The following ERGIC1 variants were observed in gnomAD, a reference collection of about 807,000 sequenced individuals.
ERGIC1 encodes endoplasmic reticulum-Golgi intermediate compartment protein 1.
A neutral mutation model predicts 38.3 loss-of-function variants in ERGIC1; 19 were observed. The observed-to-expected ratio is 0.50, with a 90% CI of 0.35 to 0.73. The LOEUF (loss-of-function observed/expected upper bound fraction) is 0.73. ERGIC1 is among the 30% of genes least tolerant of loss of function. The pLI is 0.01. For missense variants in ERGIC1, 294 were observed against 389.2 expected (o/e 0.76, Z 2.06); for synonymous variants, 124 against 157.6 (o/e 0.79, Z 1.60).
intron 9 of ERGIC1, among the ~76,000 whole-genome samples, chr5:172,938,953 C>T (rs958661185): frequency 2.6e-5 from 4 of 151,774 alleles, no homozygotes; most frequent in Non-Finnish European, 4.4e-5. Context: ...GTCCCAGCTA[C>T]TTGGGAGGGT....
chr5:172,909,205 T>G lies in ERGIC1; in HGVS notation c.156-462T>G, dbSNP rs566076846. 4.4e-3 allele frequency among the ~76,000 whole-genome samples: 506 copies of G among 116,034 alleles called. 5 individuals carry two copies. Among genetic ancestry groups the G allele is most frequent in the African/African-American group, 0.015 (483 of 31,988 alleles). 76.1% of individuals were successfully genotyped at this position (116,034 alleles called of 152,430 possible). A position where few individuals can be genotyped will look rare whatever the true frequency, so the allele number is the denominator to read the frequency against. ...TTTTTTTGAGACGGAGTTTCACTCT[T>G]GTTGCCCAGGCTGGAGTGCAGTGGC... On this transcript the variant is annotated intron_variant, in intron 3 of 9. Transcript: ENST00000393784.
At chr5:172,865,217 G>A (rs1029689693) in intron 1 of ERGIC1, among the ~76,000 whole-genome samples, 1 of 152,056 alleles carries the variant, frequency 6.6e-6, no homozygotes, top group Non-Finnish European at 1.5e-5. Flanking sequence ...ACTATGCCTG[G>A]CTAATATTTT....
chr5:172,947,823 T>C (rs1764155472), intron 9 of ERGIC1, among the ~76,000 whole-genome samples: 2 of 152,096 alleles, frequency 1.3e-5, no homozygotes. Context: ...CAGGTGTCTG[T>C]GAGTCATAAG....
At position 172,950,888 on chromosome 5, in the gene ERGIC1, G is replaced by A; in HGVS notation, c.*72G>A. 2 of 1,376,716 alleles carry A rather than the reference G, an allele frequency of 1.5e-6. No homozygotes were observed. The highest frequency in any genetic ancestry group is 2.0e-6 in the Non-Finnish European group (2 of 1,003,094). The allele number at this position is 1,376,716 out of a possible 1,614,324, so 85.3% of individuals were successfully genotyped here. A position where few individuals can be genotyped will look rare whatever the true frequency, so the allele number is the denominator to read the frequency against. ...TGCCTCCAGTGCCCTGTCTCCTTTG[G>A]CCCTCAATCTGGTCCCAAATCTGGC... On this transcript the variant is annotated 3_prime_UTR_variant, in exon 10 of 10. Coordinates refer to ENST00000393784, the MANE Select transcript of ERGIC1 (RefSeq NM_001031711.3).
intron 4 of ERGIC1, among the ~76,000 whole-genome samples, chr5:172,911,071 C>G (rs1488372527): frequency 2.0e-5 from 3 of 152,164 alleles, no homozygotes; most frequent in Admixed American, 1.3e-4. Context: ...TTCCAGCCGT[C>G]CCTCTGCCCA....
At chr5:172,888,934 C>T (rs1490440753) in intron 2 of ERGIC1, among the ~76,000 whole-genome samples, 174 bp downstream of exon 2, 1 of 152,206 alleles carries the variant, frequency 6.6e-6, no homozygotes, top group Non-Finnish European at 1.5e-5. Context: ...TCTCTATCCT[C>T]ACTGTAACCC....
In ERGIC1 at chr5:172,914,820, G is replaced by A. The variant is rs1413304751; in HGVS notation, c.357G>A (p.Gly119=). The change falls in exon 5 of 10, where the codon GGG becomes GGA. Residue 119 remains glycine, a synonymous_variant. Transcript: ENST00000393784. ...ATGGGGCAGGCTGCCGCTTCGAGGG[G>A]CAGTTCAGCATCAACAAGGTATGGA... The part of the protein sequence containing the change: ...LNNGAGCRFE[G]QFSINKVPGN... 1 of 1,614,186 alleles carries A rather than the reference G, an allele frequency of 6.2e-7. No individual in the cohort carries two copies. Among genetic ancestry groups the A allele is most frequent in the South Asian group, 1.1e-5 (1 of 91,082 alleles).
intron 3 of ERGIC1, among the ~76,000 whole-genome samples, chr5:172,903,490 G>C (rs1189129440): frequency 5.9e-5 from 9 of 152,180 alleles, no homozygotes; most frequent in African/African-American, 1.9e-4. Flanking sequence ...CCTGGGCTCA[G>C]ATCCTGCCTC....
chr5:172,839,177 G>T (rs1308652832), intron 1 of ERGIC1, among the ~76,000 whole-genome samples: 6 of 150,178 alleles, frequency 4.0e-5, no homozygotes. Context: ...GGAGACGGAG[G>T]TTGCAGTGAA....
At chr5:172,893,987 AAC>A (rs1314494916) in intron 2 of ERGIC1, among the ~76,000 whole-genome samples, 3 of 132,726 alleles carry the variant, frequency 2.3e-5, no homozygotes, top group Non-Finnish European at 4.8e-5. Context: ...ATGAAACTGT[AAC>A]AGGGAATCGG....
chr5:172,950,754 G>A lies in ERGIC1; in HGVS notation c.811G>A (p.Asp271Asn), dbSNP rs1764214146. The change falls in exon 10 of 10, where the codon GAC (aspartate) becomes AAC (asparagine). Residue 271 changes from aspartate to asparagine, a missense_variant. This residue lies in a region of ERGIC1 where 22 missense variants were observed against 50.7 expected (regional missense o/e 0.43). Transcript: ENST00000393784. ...GGTFTVAGIL[D>N]SCIFTASEAW... is the part of the protein sequence containing the mutation. The stretch of plus-strand genomic sequence containing the variant: ...GACCTTCACCGTCGCCGGCATCCTG[G>A]ACTCATGCATCTTCACAGCCTCTGA... 6.2e-7 allele frequency: 1 copy of A among 1,613,242 alleles called. No homozygotes were observed. Among genetic ancestry groups the A allele is most frequent in the Non-Finnish European group, 8.5e-7 (1 of 1,179,406 alleles).
At chr5:172,888,809 G>A (rs1762484525) in intron 2 of ERGIC1, 49 bp downstream of exon 2, 1 of 1,494,884 alleles carries the variant, frequency 6.7e-7, no homozygotes, top group Middle Eastern at 1.7e-4. Context: ...TCCACTGCCT[G>A]TGCCTGCTCT....
intron 1 of ERGIC1, among the ~76,000 whole-genome samples, chr5:172,863,173 ACTC>A (rs972306161): frequency 3.3e-5 from 5 of 151,826 alleles, no homozygotes; most frequent in Admixed American, 3.3e-4. Flanking sequence ...CTGCTGTCGA[ACTC>A]CTGACCTCAA....
chr5:172,844,293 G>T (rs1488923969), intron 1 of ERGIC1, among the ~76,000 whole-genome samples: 2 of 152,228 alleles, frequency 1.3e-5, no homozygotes, highest in African/African-American at 4.8e-5. Context: ...CACCTGGAGC[G>T]CGAGGCCCTG....
intron 1 of ERGIC1, among the ~76,000 whole-genome samples, chr5:172,878,521 G>T (rs895959417): frequency 6.6e-6 from 1 of 152,188 alleles, no homozygotes; most frequent in African/African-American, 2.4e-5. Flanking sequence ...GGCTTCGTGC[G>T]CAGTAAGCCC....
rs143255747 is a variant in ERGIC1, at chr5:172,915,248, T to C, written c.375+410T>C. The C allele has an allele frequency of 6.0e-4, 355 of 595,452 alleles. 1 individual carries two copies. In the East Asian group the frequency reaches 9.6e-3, roughly 16 times the overall value. The allele number at this position is 595,452 out of a possible 1,614,324, so 36.9% of individuals were successfully genotyped here. A position where few individuals can be genotyped will look rare whatever the true frequency, so the allele number is the denominator to read the frequency against. ...CCACTTCACAAAGTTTGTGTGGGGA[T>C]TAAATGAGCTAATGCAGATTCATTC... is the stretch of plus-strand genomic sequence containing the variant. On this transcript the variant is annotated intron_variant, in intron 5 of 9. Coordinates refer to ENST00000393784, the MANE Select transcript of ERGIC1 (RefSeq NM_001031711.3).
chr5:172,871,994 A>G (rs793019), intron 1 of ERGIC1, among the ~76,000 whole-genome samples: 99,468 of 152,064 alleles, frequency 0.65, 33,466 homozygotes, highest in Middle Eastern at 0.77. Flanking sequence ...GGAGAGTTTC[A>G]CCTTTTCATT....
intron 3 of ERGIC1, among the ~76,000 whole-genome samples, chr5:172,899,419 G>A (rs151135000): frequency 7.4e-6 from 1 of 134,742 alleles, no homozygotes; most frequent in African/African-American, 3.1e-5. Flanking sequence ...CCGAGTTCAA[G>A]AGATTCTTGT....
chr5:172,879,250 G>T (rs1762222667), intron 1 of ERGIC1, among the ~76,000 whole-genome samples: 2 of 152,264 alleles, frequency 1.3e-5, no homozygotes, highest in Admixed American at 1.3e-4. Context: ...GACATTTCCA[G>T]CGGCAGTTTC....
Sources: allele counts gnomAD v4.1 joint callset (sites outside exome capture counted in the v4.1 genomes callset), GRCh38; gene constraint gnomAD v4.1.1; regional missense constraint gnomAD v4.1.1; transcripts MANE v1.5; gene names NCBI Gene and HGNC (gene_info 2026-07-23, HGNC 2026-07-21).